Variants in PID1 observed in about 807,000 individuals in gnomAD.
PID1 encodes PTB-containing, cubilin and LRP1-interacting protein.
A neutral mutation model predicts 19.1 loss-of-function variants in PID1; 10 were observed. That is an observed-to-expected ratio of 0.52 (90% CI 0.32 to 0.89). The LOEUF is 0.89. PID1 is among the 40% of genes least tolerant of loss of function. The pLI is 0.03. For synonymous variants in PID1, 130 were observed against 116.0 expected, an observed-to-expected ratio of 1.12 and a Z score of -0.78; for missense variants, 248 against 285.3, an observed-to-expected ratio of 0.87 and a Z score of 0.94.
Position 229,054,070 on chromosome 2 carries a change from T to G in PID1, c.178-27962A>C, listed in dbSNP as rs568932486. 5.3e-5 allele frequency among the ~76,000 whole-genome samples: 8 copies of G among 150,882 alleles called. No homozygotes were observed. The South Asian group carries it at 1.7e-3, about 31-fold the overall frequency. Reference sequence around the variant, plus strand: ...ATAACAGGTGGCTTTTATATGCTCATAATGCTATTAGGCAGGGTGGGATAT... The same window carrying G: ...ATAACAGGTGGCTTTTATATGCTCAGAATGCTATTAGGCAGGGTGGGATAT... On this transcript the variant is annotated intron_variant, in intron 2 of 2. Transcript: ENST00000392055.
chr2:229,250,878 C>T (rs1574758723), intron 1 of PID1, among the ~76,000 whole-genome samples: 1 of 152,122 alleles, frequency 6.6e-6, no homozygotes, highest in Non-Finnish European at 1.5e-5. Context: ...TGATTGAAAC[C>T]TTCTTGAGCA....
At position 229,061,295 on chromosome 2, in the gene PID1, A is replaced by T. The variant is rs149816120; in HGVS notation, c.178-35187T>A. Reference sequence around the variant, plus strand: ...TTGATTTTTGTATATGATGTGAGATAAGGGTCCAATTTCATTCTTCTGCAT... The same window carrying T: ...TTGATTTTTGTATATGATGTGAGATTAGGGTCCAATTTCATTCTTCTGCAT... On this transcript the variant is annotated intron_variant, in intron 2 of 2. Coordinates refer to ENST00000392055, the MANE Select transcript of PID1 (RefSeq NM_001100818.2). Among the ~76,000 whole-genome samples the T allele has an allele frequency of 1.0e-2, 1,521 of 152,180 alleles. 27 individuals are homozygous for T. The highest frequency in any genetic ancestry group is 0.034 in the African/African-American group (1,413 of 41,552).
chr2:229,038,120 A>G (rs1409405984), intron 2 of PID1, among the ~76,000 whole-genome samples: 1 of 152,250 alleles, frequency 6.6e-6, no homozygotes, highest in Non-Finnish European at 1.5e-5. Flanking sequence ...TAGAGATTCT[A>G]GTAAGCAACC....
At chr2:229,070,621 T>C (rs1436298328) in intron 2 of PID1, among the ~76,000 whole-genome samples, 1 of 152,144 alleles carries the variant, frequency 6.6e-6, no homozygotes, top group African/African-American at 2.4e-5. Flanking sequence ...GATGCCTCCC[T>C]GCACCCTCAT....
chr2:229,090,080 GCTCAAA>G (rs1694841903), intron 2 of PID1, among the ~76,000 whole-genome samples: 2 of 152,082 alleles, frequency 1.3e-5, no homozygotes, highest in Non-Finnish European at 2.9e-5. Context: ...ACCGTGCAAA[GCTCAAA>G]CTCAATCTAG....
At chr2:229,056,588 C>A (rs1254793313) in intron 2 of PID1, among the ~76,000 whole-genome samples, 1 of 149,844 alleles carries the variant, frequency 6.7e-6, no homozygotes, top group African/African-American at 2.4e-5. Context: ...TTGACTACAG[C>A]CCAGAATATA....
intron 1 of PID1, among the ~76,000 whole-genome samples, chr2:229,164,751 T>C (rs898267800): frequency 6.6e-6 from 1 of 152,166 alleles, no homozygotes; most frequent in Non-Finnish European, 1.5e-5. Flanking sequence ...CCCAGCTTCC[T>C]GCCTTGAAAC....
rs3083856 is a variant in PID1 at position 229,113,596 on chromosome 2, ATGTG to A, written c.177+42218_177+42221del. ...TATGTGTGTATGTGTGTATGCATAT[ATGTG>A]TGTGTGTGTGTGTGTGTGTGTGTAT... On this transcript the variant is annotated intron_variant, in intron 2 of 2. Transcript: ENST00000392055. Among the ~76,000 whole-genome samples the A allele has an allele frequency of 1.6e-3, 222 of 142,034 alleles. 1 individual carries two copies. Among genetic ancestry groups the A allele is most frequent in the African/African-American group, 5.4e-3 (205 of 38,288 alleles). The allele number at this position is 142,034 out of a possible 152,430, so 93.2% of individuals were successfully genotyped here.
At chr2:229,080,844 C>A (rs1694655628) in intron 2 of PID1, among the ~76,000 whole-genome samples, 1 of 152,122 alleles carries the variant, frequency 6.6e-6, no homozygotes, top group Non-Finnish European at 1.5e-5. Flanking sequence ...TGCACGAATG[C>A]CTGATAACAA....
chr2:229,098,597 A>G (rs1481080270), intron 2 of PID1, among the ~76,000 whole-genome samples: 1 of 152,166 alleles, frequency 6.6e-6, no homozygotes, highest in East Asian at 1.9e-4. Flanking sequence ...GGGGGGGAAG[A>G]AATTAGGATA....
At position 229,262,909 on chromosome 2, in the gene PID1, G is replaced by C. The variant is rs1690498445; in HGVS notation, c.30+8105C>G. 3.4e-6 allele frequency: 5 copies of C among 1,488,230 alleles called. No individual in the cohort carries two copies. The South Asian group carries it at 5.5e-5, about 16-fold the overall frequency. The allele number at this position is 1,488,230 out of a possible 1,614,324, so 92.2% of individuals were successfully genotyped here. A position where few individuals can be genotyped will look rare whatever the true frequency, so the allele number is the denominator to read the frequency against. ...CAAATCTCTCCTTATAAGGACATTA[G>C]TCATTGGCTCTAGGGTTCACCCTAA... On this transcript the variant is annotated intron_variant, in intron 1 of 2. Coordinates refer to ENST00000392055, the MANE Select transcript of PID1 (RefSeq NM_001100818.2).
intron 1 of PID1, among the ~76,000 whole-genome samples, chr2:229,198,364 G>A (rs1691422141): frequency 1.3e-5 from 2 of 152,044 alleles, no homozygotes; most frequent in Admixed American, 1.3e-4. Flanking sequence ...CAAGGTCTCT[G>A]GTACAGAAGG....
intron 2 of PID1, among the ~76,000 whole-genome samples, chr2:229,073,944 GC>G (rs1694508349): frequency 6.6e-6 from 1 of 152,196 alleles, no homozygotes; most frequent in Non-Finnish European, 1.5e-5. Flanking sequence ...CAATGTCATT[GC>G]CACACAGTTG....
At chr2:229,169,204 C>T (rs1240999230) in intron 1 of PID1, among the ~76,000 whole-genome samples, 1 of 152,086 alleles carries the variant, frequency 6.6e-6, no homozygotes, top group Non-Finnish European at 1.5e-5. Context: ...TTTTCTTACC[C>T]CTTTGTATTG....
At chr2:229,099,015 C>T (rs986386855) in intron 2 of PID1, among the ~76,000 whole-genome samples, 2 of 152,158 alleles carry the variant, frequency 1.3e-5, no homozygotes, top group Non-Finnish European at 2.9e-5. Context: ...CAGAGGATCA[C>T]GCCTGGCCAA....
At chr2:229,255,270 A>G (rs944949643) in intron 1 of PID1, among the ~76,000 whole-genome samples, 1 of 152,184 alleles carries the variant, frequency 6.6e-6, no homozygotes, top group Non-Finnish European at 1.5e-5. Context: ...AGTCGATTCC[A>G]AGTATGTTTA....
chr2:229,261,457 C>T (rs1319373387), intron 1 of PID1, among the ~76,000 whole-genome samples: 1 of 152,156 alleles, frequency 6.6e-6, no homozygotes, highest in Non-Finnish European at 1.5e-5. Flanking sequence ...TTACAGGTGG[C>T]TTGTACAGCA....
intron 2 of PID1, among the ~76,000 whole-genome samples, chr2:229,041,702 C>T (rs1693773583): frequency 1.3e-5 from 2 of 152,102 alleles, no homozygotes; most frequent in South Asian, 2.1e-4. Context: ...TCTAACACAC[C>T]CCATCACAAC....
intron 1 of PID1, among the ~76,000 whole-genome samples, chr2:229,241,217 T>A (rs1689858268): frequency 1.3e-5 from 2 of 152,252 alleles, no homozygotes; most frequent in African/African-American, 4.8e-5. Context: ...CCTTTTTCTC[T>A]TGTTTATGTT....
Sources: gnomAD v4.1 joint callset for allele counts (sites outside exome capture counted in the v4.1 genomes callset) on GRCh38, gnomAD v4.1.1 for gene constraint, MANE v1.5 for transcripts, NCBI Gene and HGNC (gene_info 2026-07-23, HGNC 2026-07-21) for gene names.